Variants in SLC10A7 observed in about 807,000 individuals in gnomAD.
SLC10A7 encodes sodium/bile acid cotransporter 7.
In SLC10A7, 29 loss-of-function variants were observed where a neutral mutation model predicts 43.2. That is an observed-to-expected ratio of 0.67 (90% confidence interval 0.50 to 0.92). The LOEUF (loss-of-function observed/expected upper bound fraction) is 0.92. SLC10A7 is among the 40% of genes least tolerant of loss of function. SLC10A7 has a pLI of 0.00. For synonymous variants in SLC10A7, 152 were observed against 144.8 expected, an observed-to-expected ratio of 1.05 and a Z score of -0.35; for missense variants, 295 against 403.2, an observed-to-expected ratio of 0.73 and a Z score of 2.30.
chr4:146,454,385 A>G (rs2149920013), intron 4 of SLC10A7, among the ~76,000 whole-genome samples: 1 of 151,972 alleles, frequency 6.6e-6, no homozygotes, highest in Middle Eastern at 3.4e-3. Context: ...TTGTTAATCA[A>G]GAAACAGAAC....
chr4:146,360,912 C>T (rs758037869), intron 5 of SLC10A7, among the ~76,000 whole-genome samples: 15 of 152,072 alleles, frequency 9.9e-5, no homozygotes, highest in Non-Finnish European at 2.1e-4. Context: ...TAGGTCACCC[C>T]CCGGCTCACC....
intron 4 of SLC10A7, among the ~76,000 whole-genome samples, chr4:146,457,390 A>G (rs1445484673): frequency 6.6e-6 from 1 of 151,982 alleles, no homozygotes; most frequent in Non-Finnish European, 1.5e-5. Context: ...AAACAACCCA[A>G]TTATACTCCT....
chr4:146,460,698 AT>A (rs1050432063), intron 4 of SLC10A7, among the ~76,000 whole-genome samples: 35 of 151,902 alleles, frequency 2.3e-4, no homozygotes, highest in African/African-American at 8.2e-4. Context: ...CCATAAAAGA[AT>A]TTTTTGTCCT....
chr4:146,290,377 A>T (rs532621519), intron 9 of SLC10A7, among the ~76,000 whole-genome samples: 1 of 151,612 alleles, frequency 6.6e-6, no homozygotes, highest in Admixed American at 6.6e-5. Flanking sequence ...CAAGCCAGGA[A>T]TTTGAGAACA....
intron 10 of SLC10A7, among the ~76,000 whole-genome samples, chr4:146,263,646 T>C (rs1012702217): frequency 2.6e-5 from 4 of 152,244 alleles, no homozygotes; most frequent in East Asian, 1.9e-4. Flanking sequence ...TGTGTCACCA[T>C]GGTTGACAGG....
At chr4:146,496,961 A>G (rs1735955771) in intron 4 of SLC10A7, among the ~76,000 whole-genome samples, 1 of 152,190 alleles carries the variant, frequency 6.6e-6, no homozygotes, top group African/African-American at 2.4e-5. Flanking sequence ...ACTGTATTCT[A>G]TTTCTAAAGC....
In SLC10A7 at chr4:146,254,856, T is replaced by A. The variant is rs1367060946; in HGVS notation, c.*1635A>T. Reference sequence around the variant, plus strand: ...TTTTAGACACAAGTAAAATTCTTTATAACAGTGTGTACTACAGCCTGGTTA... The same window carrying A: ...TTTTAGACACAAGTAAAATTCTTTAAAACAGTGTGTACTACAGCCTGGTTA... On this transcript the variant is annotated 3_prime_UTR_variant, in exon 12 of 12. Transcript: ENST00000335472. 1.3e-5 allele frequency: 2 copies of A among 152,238 alleles called. No individual in the cohort carries two copies. Among genetic ancestry groups the A allele is most frequent in the African/African-American group, 2.4e-5 (1 of 41,462 alleles). 9.4% of individuals were successfully genotyped at this position (152,238 alleles called of 1,614,324 possible). A position where few individuals can be genotyped will look rare whatever the true frequency, so the allele number is the denominator to read the frequency against.
At chr4:146,324,261 T>C (rs938746553) in intron 6 of SLC10A7, among the ~76,000 whole-genome samples, 9 of 152,194 alleles carry the variant, frequency 5.9e-5, no homozygotes, top group African/African-American at 2.2e-4. Flanking sequence ...AGGTAATTTG[T>C]AGATTCAATG....
At chr4:146,278,170 AT>A (rs1232556419) in intron 10 of SLC10A7, among the ~76,000 whole-genome samples, 3 of 151,924 alleles carry the variant, frequency 2.0e-5, no homozygotes, top group Non-Finnish European at 2.9e-5. Flanking sequence ...AAGTTTAAAG[AT>A]TTTTTTTCTA....
chr4:146,355,699 C>G (rs1336773489), intron 5 of SLC10A7, among the ~76,000 whole-genome samples: 1 of 151,606 alleles, frequency 6.6e-6, no homozygotes, highest in Non-Finnish European at 1.5e-5. Flanking sequence ...CCATGGAATA[C>G]CATGCAGCCA....
In SLC10A7 at chr4:146,510,049, C is replaced by A. The variant is rs1560980728; in HGVS notation, c.184G>T (p.Glu62Ter). 6.3e-7 allele frequency: 1 copy of A among 1,591,050 alleles called. No homozygotes were observed. The highest frequency in any genetic ancestry group is 8.5e-7 in the Non-Finnish European group (1 of 1,172,538). Residue 62 changes from glutamate to a stop codon, truncating the protein, a stop_gained and splice_region_variant, in exon 3 of 12, where the codon GAG (glutamate) becomes TAG (stop). Coordinates refer to ENST00000335472, the MANE Select transcript of SLC10A7 (RefSeq NM_001029998.6). LOFTEE classifies it high-confidence loss of function. ...FNSGLSLKTE[E>*]LTSALVHLKL... is the part of the protein sequence containing the mutation. ...AGATGCACCAAAGCACTGGTCAGCT[C>A]CTGGAAAAATTAAGGAAACAAAATA...
At chr4:146,371,408 G>A (rs1736769380) in intron 5 of SLC10A7, among the ~76,000 whole-genome samples, 1 of 152,172 alleles carries the variant, frequency 6.6e-6, no homozygotes, top group Non-Finnish European at 1.5e-5. Context: ...TCATCTAAAG[G>A]CAGTGAAGAT....
At chr4:146,468,648 G>T (rs758030345) in intron 4 of SLC10A7, among the ~76,000 whole-genome samples, 3 of 151,742 alleles carry the variant, frequency 2.0e-5, no homozygotes, top group African/African-American at 7.3e-5. Flanking sequence ...TTTTAGTAGC[G>T]ACAGGGTTTT....
At chr4:146,410,554 CT>C (rs530439794) in intron 5 of SLC10A7, among the ~76,000 whole-genome samples, 8 of 151,954 alleles carry the variant, frequency 5.3e-5, no homozygotes, top group Non-Finnish European at 5.9e-5. Flanking sequence ...TATTATTATC[CT>C]CATTTTACAT....
At chr4:146,428,934 A>G (rs1260050403) in intron 5 of SLC10A7, among the ~76,000 whole-genome samples, 1 of 152,150 alleles carries the variant, frequency 6.6e-6, no homozygotes, top group East Asian at 1.9e-4. Context: ...CCTGATATTT[A>G]AAATCATTAT....
intron 5 of SLC10A7, among the ~76,000 whole-genome samples, chr4:146,410,290 C>T (rs1018290212): frequency 6.6e-6 from 1 of 152,090 alleles, no homozygotes; most frequent in Non-Finnish European, 1.5e-5. Context: ...CAATATATCT[C>T]AAAACTCTTC....
At chr4:146,272,070 T>C (rs1728932887) in intron 10 of SLC10A7, among the ~76,000 whole-genome samples, 1 of 152,168 alleles carries the variant, frequency 6.6e-6, no homozygotes, top group Admixed American at 6.5e-5. Context: ...GGCAAGAACT[T>C]TTTTGGTGTT....
At chr4:146,497,541 C>T (rs1045315021) in intron 4 of SLC10A7, among the ~76,000 whole-genome samples, 14 of 152,152 alleles carry the variant, frequency 9.2e-5, no homozygotes, top group African/African-American at 3.4e-4. Flanking sequence ...TTTACTTGGA[C>T]GTTAAGGCTT....
chr4:146,293,565 A>G (rs1210143817), intron 8 of SLC10A7, among the ~76,000 whole-genome samples: 1 of 152,216 alleles, frequency 6.6e-6, no homozygotes, highest in Non-Finnish European at 1.5e-5. Flanking sequence ...CATATATTAT[A>G]CATCCTGTTT....
Sources: gnomAD v4.1 joint callset for allele counts (sites outside exome capture counted in the v4.1 genomes callset) on GRCh38, gnomAD v4.1.1 for gene constraint, MANE v1.5 for transcripts, NCBI Gene and HGNC (gene_info 2026-07-23, HGNC 2026-07-21) for gene names.